Variants in SHISA6 observed in about 807,000 individuals in gnomAD.
SHISA6 encodes the protein protein shisa-6.
In SHISA6, 22 loss-of-function variants were observed where a neutral mutation model predicts 47.9. The observed-to-expected ratio is 0.46, with a 90% CI of 0.33 to 0.66. SHISA6 has a LOEUF of 0.66. Ranked by LOEUF, SHISA6 falls within the 30% of genes least tolerant of loss-of-function variation. The pLI is 0.02. For missense variants in SHISA6, 680 were observed against 764.6 expected, an observed-to-expected ratio of 0.89 and a Z score of 1.30; for synonymous variants, 388 against 337.8, an observed-to-expected ratio of 1.15 and a Z score of -1.63.
chr17:11,414,889 C>A (rs771840654), intron 3 of SHISA6, among the ~76,000 whole-genome samples: 1 of 151,646 alleles, frequency 6.6e-6, no homozygotes, highest in Non-Finnish European at 1.5e-5. Flanking sequence ...AGTTTGAGAC[C>A]AGCCTGGCCA....
At chr17:11,398,658 TCTC>T (rs1567595047) in intron 3 of SHISA6, among the ~76,000 whole-genome samples, 1 of 152,066 alleles carries the variant, frequency 6.6e-6, no homozygotes, top group Non-Finnish European at 1.5e-5. Context: ...AGTAGCGCGA[TCTC>T]AGCTCACTGC....
chr17:11,479,045 A>T (rs567901765), intron 3 of SHISA6, among the ~76,000 whole-genome samples: 1 of 152,252 alleles, frequency 6.6e-6, no homozygotes, highest in South Asian at 2.1e-4. Flanking sequence ...TACAGATTCA[A>T]TGCCATCCCC....
intron 3 of SHISA6, among the ~76,000 whole-genome samples, chr17:11,486,264 T>C (rs964299380): frequency 5.9e-5 from 9 of 152,204 alleles, no homozygotes; most frequent in African/African-American, 2.2e-4. Flanking sequence ...CTTCCCAGCC[T>C]GCCCTGGAGC....
At chr17:11,426,754 C>T (rs533108564) in intron 3 of SHISA6, among the ~76,000 whole-genome samples, 67 of 152,262 alleles carry the variant, frequency 4.4e-4, no homozygotes, top group South Asian at 1.0e-3. Context: ...GCGACTCTCA[C>T]GGTGTTAAAT....
At chr17:11,305,452 AAT>A (rs1427767373) in intron 2 of SHISA6, among the ~76,000 whole-genome samples, 1 of 152,220 alleles carries the variant, frequency 6.6e-6, no homozygotes, top group Non-Finnish European at 1.5e-5. Flanking sequence ...GAGCCCCTGA[AAT>A]GGCGGGAGAA....
At chr17:11,404,528 C>T (rs779670035) in intron 3 of SHISA6, among the ~76,000 whole-genome samples, 3 of 152,190 alleles carry the variant, frequency 2.0e-5, no homozygotes, top group Non-Finnish European at 4.4e-5. Flanking sequence ...TGACCACCCC[C>T]ATTTGCCCTC....
At chr17:11,484,959 T>C (rs1916310747) in intron 3 of SHISA6, among the ~76,000 whole-genome samples, 2 of 152,118 alleles carry the variant, frequency 1.3e-5, no homozygotes, top group African/African-American at 4.8e-5. Flanking sequence ...TTCCAATTGA[T>C]AAAAGAGCGT....
chr17:11,293,699 T>C (rs1909633281), intron 2 of SHISA6, among the ~76,000 whole-genome samples: 3 of 152,096 alleles, frequency 2.0e-5, no homozygotes, highest in Admixed American at 2.0e-4. Flanking sequence ...TCTCGATGGA[T>C]ATCTGCTGCA....
At chr17:11,324,900 C>T (rs897768309) in intron 2 of SHISA6, among the ~76,000 whole-genome samples, 9 of 152,032 alleles carry the variant, frequency 5.9e-5, no homozygotes, top group African/African-American at 1.2e-4. Flanking sequence ...CAGCGAGGGC[C>T]GGGTCTCCAA....
intron 2 of SHISA6, among the ~76,000 whole-genome samples, chr17:11,361,264 T>G (rs1382690671): frequency 6.6e-6 from 1 of 152,200 alleles, no homozygotes; most frequent in African/African-American, 2.4e-5. Flanking sequence ...TTCATTAGAC[T>G]TGTTTTAGAA....
chr17:11,450,423 G>A (rs1383873920), intron 3 of SHISA6, among the ~76,000 whole-genome samples: 2 of 152,022 alleles, frequency 1.3e-5, no homozygotes, highest in East Asian at 1.9e-4. Flanking sequence ...TTGGGAGGCC[G>A]AGGTGGGCGG....
chr17:11,530,552 G>T lies in SHISA6; in HGVS notation c.896-21344G>T, dbSNP rs115129376. 1.4e-3 allele frequency among the ~76,000 whole-genome samples: 214 copies of T among 152,202 alleles called. 3 individuals carry two copies. The highest frequency in any genetic ancestry group is 5.0e-3 in the African/African-American group (208 of 41,540). The stretch of plus-strand genomic sequence containing the variant: ...CCAGCAACAGCCAGAGTTGTTTTTA[G>T]CGAGGACACAGAGATACTCAGCTGC... On this transcript the variant is annotated intron_variant, in intron 3 of 5. Transcript: ENST00000441885.
chr17:11,448,071 A>T (rs571370390), intron 3 of SHISA6, among the ~76,000 whole-genome samples: 1 of 152,318 alleles, frequency 6.6e-6, no homozygotes, highest in African/African-American at 2.4e-5. Flanking sequence ...TGAAAATATA[A>T]TAACTGCCTT....
At chr17:11,508,964 C>A (rs2071521813) in intron 3 of SHISA6, among the ~76,000 whole-genome samples, 2 of 146,546 alleles carry the variant, frequency 1.4e-5, no homozygotes, top group East Asian at 2.1e-4. Context: ...TCAGAGAAAC[C>A]CTCCTGAGGA....
At chr17:11,533,427 A>G (rs971825108) in intron 3 of SHISA6, among the ~76,000 whole-genome samples, 1 of 151,080 alleles carries the variant, frequency 6.6e-6, no homozygotes, top group African/African-American at 2.4e-5. Flanking sequence ...ACTCCTACCA[A>G]CCCTCTATGA....
chr17:11,265,211 C>T (rs1414836398), intron 2 of SHISA6, among the ~76,000 whole-genome samples: 1 of 152,190 alleles, frequency 6.6e-6, no homozygotes, highest in African/African-American at 2.4e-5. Context: ...GTGTTTTAAA[C>T]AATCTCCCCA....
At chr17:11,364,134 A>G (rs746300207) in intron 2 of SHISA6, among the ~76,000 whole-genome samples, 9 of 152,206 alleles carry the variant, frequency 5.9e-5, no homozygotes, top group Non-Finnish European at 1.3e-4. Context: ...ACTAAAATAC[A>G]TAAAGTGTAT....
chr17:11,292,650 A>G (rs912679272), intron 2 of SHISA6, among the ~76,000 whole-genome samples: 1 of 151,794 alleles, frequency 6.6e-6, no homozygotes, highest in Admixed American at 6.6e-5. Flanking sequence ...ATGGGAGTGA[A>G]CAGGGTGAGT....
intron 3 of SHISA6, among the ~76,000 whole-genome samples, chr17:11,447,397 T>C (rs1915266322): frequency 1.3e-5 from 2 of 152,292 alleles, no homozygotes; most frequent in South Asian, 4.2e-4. Flanking sequence ...TAATGAGTGG[T>C]TGAACATTTT....
Sources: allele counts gnomAD v4.1 joint callset (sites outside exome capture counted in the v4.1 genomes callset), GRCh38; gene constraint gnomAD v4.1.1; transcripts MANE v1.5; gene names NCBI Gene and HGNC (gene_info 2026-07-23, HGNC 2026-07-21).